Variants in MATCAP2 observed in about 807,000 individuals in gnomAD.
The protein encoded by MATCAP2 is microtubule associated tyrosine carboxypeptidase 2.
chr7:36,331,888 C>A, the MATCAP2 span, among the ~76,000 whole-genome samples: 1 of 152,026 alleles, frequency 6.6e-6, no homozygotes, highest in South Asian at 2.1e-4. Context: ...ATGCCAATAG[C>A]ATGAGGATGA....
chr7:36,327,078 C>G, the MATCAP2 span, among the ~76,000 whole-genome samples: 1 of 152,114 alleles, frequency 6.6e-6, no homozygotes, highest in Admixed American at 6.5e-5. Flanking sequence ...ATTTTCTTCA[C>G]TGTGTTAAAT....
At chr7:36,376,377 C>G in the MATCAP2 span, among the ~76,000 whole-genome samples, 6 of 152,184 alleles carry the variant, frequency 3.9e-5, no homozygotes, top group Non-Finnish European at 7.3e-5. Context: ...GCAGGTTGTT[C>G]AGTTTCCATG....
chr7:36,361,246 C>T, the MATCAP2 span, among the ~76,000 whole-genome samples: 1 of 152,114 alleles, frequency 6.6e-6, no homozygotes, highest in African/African-American at 2.4e-5. Context: ...TTAAACCCAT[C>T]GGTACCTCCC....
the MATCAP2 span, among the ~76,000 whole-genome samples, chr7:36,379,717 A>G: frequency 6.6e-6 from 1 of 152,006 alleles, no homozygotes; most frequent in Admixed American, 6.6e-5. Flanking sequence ...ATGTACTTAC[A>G]TAAACCTAGA....
At chr7:36,349,833 T>C in the MATCAP2 span, among the ~76,000 whole-genome samples, 1 of 152,214 alleles carries the variant, frequency 6.6e-6, no homozygotes, top group Non-Finnish European at 1.5e-5. Context: ...ATCAAGTTCA[T>C]ATCTTCTTCC....
the MATCAP2 span, chr7:36,336,106 T>C: frequency 7.7e-7 from 1 of 1,303,410 alleles, no homozygotes; most frequent in Non-Finnish European, 1.0e-6. Flanking sequence ...TAAAATAAAC[T>C]ATGACTGTCA....
At chr7:36,371,604 G>T in the MATCAP2 span, among the ~76,000 whole-genome samples, 1 of 152,132 alleles carries the variant, frequency 6.6e-6, no homozygotes, top group African/African-American at 2.4e-5. Context: ...CATCCTGCTT[G>T]TTAAAGACTC....
the MATCAP2 span, among the ~76,000 whole-genome samples, chr7:36,366,374 G>A: frequency 2.0e-5 from 3 of 152,148 alleles, no homozygotes; most frequent in Non-Finnish European, 2.9e-5. Flanking sequence ...CAGACTTTCT[G>A]ACCTGGGGTC....
chr7:36,350,219 T>A, the MATCAP2 span, among the ~76,000 whole-genome samples: 3 of 152,216 alleles, frequency 2.0e-5, no homozygotes, highest in Admixed American at 6.5e-5. Flanking sequence ...TATTTCCAAT[T>A]AAATTTTTTT....
chr7:36,373,067 T>C, the MATCAP2 span, among the ~76,000 whole-genome samples: 1 of 142,948 alleles, frequency 7.0e-6, no homozygotes, highest in Non-Finnish European at 1.5e-5. Flanking sequence ...ATGGTGCCAC[T>C]GCACTCCAGC....
chr7:36,377,989 G>C, the MATCAP2 span, among the ~76,000 whole-genome samples: 2 of 152,124 alleles, frequency 1.3e-5, no homozygotes, highest in Non-Finnish European at 2.9e-5. Context: ...GTTTATTCTA[G>C]TTAGCCATTC....
chr7:36,379,847 C>CACACACACAGAGAGAGAGAG, the MATCAP2 span, among the ~76,000 whole-genome samples: 18 of 107,696 alleles, frequency 1.7e-4, no homozygotes, highest in South Asian at 2.3e-3. Flanking sequence ...CACACACACA[C>CACACACACAGAGAGAGAGAG]AGAGAGAGAG....
chr7:36,331,135 A>G, the MATCAP2 span: 989 of 983,320 alleles, frequency 1.0e-3, 14 homozygotes, highest in East Asian at 0.02. Flanking sequence ...TACTAAGTAG[A>G]TATCAACCCA....
chr7:36,330,245 C>T, the MATCAP2 span, among the ~76,000 whole-genome samples: 20 of 151,824 alleles, frequency 1.3e-4, no homozygotes, highest in East Asian at 3.9e-4. Flanking sequence ...CCACCATGCC[C>T]GGCTACTTTT....
chr7:36,356,528 A>C, the MATCAP2 span: 2 of 343,808 alleles, frequency 5.8e-6, no homozygotes, highest in African/African-American at 2.1e-5. Flanking sequence ...AAAAACAAAA[A>C]ACAACAAAGA....
At chr7:36,345,333 T>G in the MATCAP2 span, among the ~76,000 whole-genome samples, 90 of 152,336 alleles carry the variant, frequency 5.9e-4, no homozygotes, top group African/African-American at 2.0e-3. Context: ...TTTAAAAGAT[T>G]TTTCTTCACC....
the MATCAP2 span, among the ~76,000 whole-genome samples, chr7:36,365,179 T>C: frequency 9.8e-4 from 150 of 152,378 alleles, 1 homozygote; most frequent in African/African-American, 3.2e-3. Context: ...TTTGTATCTC[T>C]ACAATGATTG....
the MATCAP2 span, among the ~76,000 whole-genome samples, chr7:36,352,596 G>C: frequency 6.6e-6 from 1 of 151,812 alleles, no homozygotes; most frequent in Non-Finnish European, 1.5e-5. Context: ...GGGAGGTCGA[G>C]GTGGGTGGAT....
the MATCAP2 span, among the ~76,000 whole-genome samples, chr7:36,347,991 TAAAC>T: frequency 6.6e-6 from 1 of 152,180 alleles, no homozygotes; most frequent in Non-Finnish European, 1.5e-5. Flanking sequence ...TGGAAAATAT[TAAAC>T]AAAAGACTCC....
Sources: allele counts gnomAD v4.1 joint callset (sites outside exome capture counted in the v4.1 genomes callset), GRCh38; gene constraint gnomAD v4.1.1; transcripts MANE v1.5; gene names NCBI Gene and HGNC (gene_info 2026-07-23, HGNC 2026-07-21).